CDKN2AIP: variants seen among roughly 807,000 people sequenced by gnomAD.
CDKN2AIP encodes CDKN2A interacting protein.
CDKN2AIP carries 12 observed loss-of-function variants against 44.1 expected under a neutral mutation model. That is an observed-to-expected ratio of 0.27 (90% CI 0.17 to 0.44). The LOEUF (loss-of-function observed/expected upper bound fraction) is 0.44, where lower values mean the gene tolerates loss of function less well. CDKN2AIP is among the 20% of genes least tolerant of loss of function. CDKN2AIP has a pLI of 1.00. For synonymous variants in CDKN2AIP, 291 were observed against 272.1 expected (o/e 1.07, Z -0.68); for missense variants, 705 against 681.6 (o/e 1.03, Z -0.38).
At chr4:183,445,988 A>G in intron 2 of CDKN2AIP, 100 bp from the exon 3 acceptor site, 1 of 991,066 alleles carries the variant, frequency 1.0e-6, no homozygotes, top group Non-Finnish European at 1.5e-6. Flanking sequence ...TAGTCTTGAA[A>G]TGTTTTCACT....
chr4:183,447,525 C>CTT lies in CDKN2AIP; in HGVS notation c.*104_*105dup. 1.2e-6 allele frequency: 1 copy of CTT among 852,490 alleles called. No homozygotes were observed. The highest frequency in any genetic ancestry group is 1.8e-6 in the Non-Finnish European group (1 of 560,640). 52.8% of individuals were successfully genotyped at this position (852,490 alleles called of 1,614,324 possible). A position where few individuals can be genotyped will look rare whatever the true frequency, so the allele number is the denominator to read the frequency against. ...ACAGGCTTTCACAAATTTTGTATTGCTTTTTTTCCAGTTTTGCAGAAAATT... is the reference window on the plus strand; with the variant it reads ...ACAGGCTTTCACAAATTTTGTATTGCTTTTTTTTTCCAGTTTTGCAGAAAATT... On this transcript the variant is annotated 3_prime_UTR_variant, in exon 3 of 3. Transcript: ENST00000504169.
In CDKN2AIP at chr4:183,447,572, C is replaced by T; in HGVS notation, c.*145C>T. 1 of 563,396 alleles carries T rather than the reference C, an allele frequency of 1.8e-6. No individual in the cohort carries two copies. Among genetic ancestry groups the T allele is most frequent in the Non-Finnish European group, 3.1e-6 (1 of 321,910 alleles). The allele number at this position is 563,396 out of a possible 1,614,324, so 34.9% of individuals were successfully genotyped here. A position where few individuals can be genotyped will look rare whatever the true frequency, so the allele number is the denominator to read the frequency against. On this transcript the variant is annotated 3_prime_UTR_variant, in exon 3 of 3. Transcript: ENST00000504169. ...AATTTACATTCTAGTTCTCTTCACA[C>T]AGTAGCAGTTGTAAATAATTTATGA...
At position 183,446,202 on chromosome 4, in the gene CDKN2AIP, A is replaced by G; in HGVS notation, c.518A>G (p.Glu173Gly). ...ACAGAACGTGCATCAGCTCAGCAGGAAAACAGTTCAACGTGTATAGGGTCG... is the reference window on the plus strand; with the variant it reads ...ACAGAACGTGCATCAGCTCAGCAGGGAAACAGTTCAACGTGTATAGGGTCG... ...AKTERASAQQ[E>G]NSSTCIGSAI... Residue 173 changes from glutamate to glycine, a missense_variant, in exon 3 of 3, where the codon GAA (glutamate) becomes GGA (glycine). Coordinates refer to ENST00000504169, the MANE Select transcript of CDKN2AIP (RefSeq NM_017632.4). 6.2e-7 allele frequency: 1 copy of G among 1,614,172 alleles called. No homozygotes were observed. The highest frequency in any genetic ancestry group is 8.5e-7 in the Non-Finnish European group (1 of 1,179,990).
Position 183,446,669 on chromosome 4 carries a change from G to C in CDKN2AIP, c.985G>C (p.Val329Leu). ...TTCCAAAACTAGTTCAGAGGCAAGT[G>C]TTTCATCATCAGTTGCTAAAAACAG... is the stretch of plus-strand genomic sequence containing the variant. ...LTSKTSSEAS[V>L]SSSVAKNSSS... The change falls in exon 3 of 3, where the codon GTT becomes CTT. Residue 329 changes from valine (V) to leucine (L), a missense_variant. By Grantham distance (32) the Val-to-Leu change is conservative (BLOSUM62 1). Around this residue, in one of 2 missense-constraint regions of CDKN2AIP, gnomAD observed 592 missense variants for 518.0 expected, o/e 1.14. Coordinates refer to ENST00000504169, the MANE Select transcript of CDKN2AIP (RefSeq NM_017632.4). 1.2e-6 allele frequency: 2 copies of C among 1,614,174 alleles called. No homozygotes were observed. Among genetic ancestry groups the C allele is most frequent in the South Asian group, 2.2e-5 (2 of 91,086 alleles).
chr4:183,446,183 C>G lies in CDKN2AIP; in HGVS notation c.499C>G (p.Arg167Gly). 1.2e-6 allele frequency: 2 copies of G among 1,614,118 alleles called. No individual in the cohort carries two copies. Among genetic ancestry groups the G allele is most frequent in the Non-Finnish European group, 1.7e-6 (2 of 1,179,948 alleles). ...CGCAAAAACCTCTGCCAAGACAGAA[C>G]GTGCATCAGCTCAGCAGGAAAACAG... is the stretch of plus-strand genomic sequence containing the variant. Reference protein sequence around the residue: ...DHAKTSAKTERASAQQENSST... With the variant: ...DHAKTSAKTEGASAQQENSST... The change falls in exon 3 of 3, where the codon CGT becomes GGT. Residue 167 changes from arginine to glycine, a missense_variant. Arg to Gly is a moderately radical substitution (Grantham distance 125). Around this residue, in one of 2 missense-constraint regions of CDKN2AIP, gnomAD observed 592 missense variants for 518.0 expected, o/e 1.14. Transcript: ENST00000504169.
In CDKN2AIP at chr4:183,447,043, T is replaced by A. The variant is rs369366498; in HGVS notation, c.1359T>A (p.Ala453=). The A allele has an allele frequency of 3.1e-6, 5 of 1,614,022 alleles. No individual in the cohort carries two copies. In the African/African-American group the frequency reaches 6.7e-5, roughly 22 times the overall value. Residue 453 remains alanine, a synonymous_variant, in exon 3 of 3, where the codon GCT becomes GCA. Coordinates refer to ENST00000504169, the MANE Select transcript of CDKN2AIP (RefSeq NM_017632.4). The stretch of plus-strand genomic sequence containing the variant: ...AAACGGTGGCATGGAAGTTGGTAGC[T>A]GTTGGTGGCTTTAGTCCCAATGTGA... ...LYKTVAWKLV[A]VGGFSPNVNH...
chr4:183,445,612 C>T lies in CDKN2AIP; in HGVS notation c.350C>T (p.Thr117Ile). The change falls in exon 2 of 3, where the codon ACA becomes ATA. Residue 117 changes from threonine (T) to isoleucine (I), a missense_variant. Thr to Ile is a moderately conservative substitution (Grantham distance 89). Transcript: ENST00000504169. ...GTGACAGATGCTCCAACCTATACAA[C>T]AAGAGATGAACTGGTTGCCAAGGTG... is the stretch of plus-strand genomic sequence containing the variant. Reference protein sequence around the residue: ...IKVTDAPTYTTRDELVAKVKK... With the variant: ...IKVTDAPTYTIRDELVAKVKK... The T allele has an allele frequency of 6.2e-7, 1 of 1,610,200 alleles. No individual in the cohort carries two copies. The highest frequency in any genetic ancestry group is 8.5e-7 in the Non-Finnish European group (1 of 1,176,448).
At position 183,444,726 on chromosome 4, in the gene CDKN2AIP, T is replaced by A; in HGVS notation, c.-72T>A. 1.4e-6 allele frequency: 2 copies of A among 1,425,340 alleles called. No homozygotes were observed. Among genetic ancestry groups the A allele is most frequent in the Non-Finnish European group, 1.9e-6 (2 of 1,079,336 alleles). 88.3% of individuals were successfully genotyped at this position (1,425,340 alleles called of 1,614,324 possible). ...GGAGGGCCGCGGGTGCAGGCCGCAGTGACAGGGCCGCTCGCCCCGCTAGTC... is the reference window on the plus strand; with the variant it reads ...GGAGGGCCGCGGGTGCAGGCCGCAGAGACAGGGCCGCTCGCCCCGCTAGTC... On this transcript the variant is annotated 5_prime_UTR_variant, in exon 1 of 3. Transcript: ENST00000504169.
rs1290600218 is a variant in CDKN2AIP at position 183,447,572 on chromosome 4, C to G, written c.*145C>G. 8 of 563,278 alleles carry G rather than the reference C, an allele frequency of 1.4e-5. No individual in the cohort carries two copies. The highest frequency in any genetic ancestry group is 2.5e-5 in the Non-Finnish European group (8 of 321,918). The allele number at this position is 563,278 out of a possible 1,614,324, so 34.9% of individuals were successfully genotyped here. A position where few individuals can be genotyped will look rare whatever the true frequency, so the allele number is the denominator to read the frequency against. On this transcript the variant is annotated 3_prime_UTR_variant, in exon 3 of 3. Transcript: ENST00000504169. The stretch of plus-strand genomic sequence containing the variant: ...AATTTACATTCTAGTTCTCTTCACA[C>G]AGTAGCAGTTGTAAATAATTTATGA...
In CDKN2AIP at chr4:183,446,324, A is replaced by G; in HGVS notation, c.640A>G (p.Ser214Gly). 6.2e-7 allele frequency: 1 copy of G among 1,614,178 alleles called. No individual in the cohort carries two copies. Among genetic ancestry groups the G allele is most frequent in the Non-Finnish European group, 8.5e-7 (1 of 1,179,974 alleles). ...TGGAGATCGATCTGTTTCCAGCCAA[A>G]GCAGCAGCAGCGTTTCCTCTCAGGT... ...SDGDRSVSSQ[S>G]SSSVSSQVTT... The change falls in exon 3 of 3, where the codon AGC (serine) becomes GGC (glycine). Residue 214 changes from serine to glycine, a missense_variant. Physicochemically the swap from Ser to Gly is moderately conservative, Grantham distance 56. Transcript: ENST00000504169.
rs1343519971 is a variant in CDKN2AIP at position 183,446,807 on chromosome 4, A to G, written c.1123A>G (p.Ser375Gly). The change falls in exon 3 of 3, where the codon AGC becomes GGC. Residue 375 changes from serine to glycine, a missense_variant. By Grantham distance (56) the Ser-to-Gly change is moderately conservative. Around this residue, in one of 2 missense-constraint regions of CDKN2AIP, gnomAD observed 592 missense variants for 518.0 expected, o/e 1.14. Coordinates refer to ENST00000504169, the MANE Select transcript of CDKN2AIP (RefSeq NM_017632.4). ...AGCTGCATCACTACTAGCTTCCAAG[A>G]GCAGCTCCCAGACCAGTGGATCTCT... ...QVAASLLASKSSSQTSGSLVS... is the reference protein window; with the variant it reads ...QVAASLLASKGSSQTSGSLVS... 5.0e-6 allele frequency: 8 copies of G among 1,614,216 alleles called. No homozygotes were observed. The South Asian group carries it at 8.8e-5, about 18-fold the overall frequency.
chr4:183,445,522 C>G lies in CDKN2AIP; in HGVS notation c.273-13C>G. The G allele has an allele frequency of 6.2e-7, 1 of 1,605,736 alleles. No homozygotes were observed. Among genetic ancestry groups the G allele is most frequent in the Non-Finnish European group, 8.5e-7 (1 of 1,173,238 alleles). ...AAAACACTTTTTAAAAATGACTTTT[C>G]CTTCTTTTTCAGATACCCTCAAAAA... On this transcript the variant is annotated splice_polypyrimidine_tract_variant and intron_variant, in intron 1 of 2. Coordinates refer to ENST00000504169, the MANE Select transcript of CDKN2AIP (RefSeq NM_017632.4).
chr4:183,445,367 C>T (rs1378080492), intron 1 of CDKN2AIP, 168 bp from the exon 2 acceptor site: 1 of 632,122 alleles, frequency 1.6e-6, no homozygotes, highest in East Asian at 2.7e-5. Flanking sequence ...AGGTGCCCTG[C>T]CTCCCAGACC....
chr4:183,447,373 A>T lies in CDKN2AIP; in HGVS notation c.1689A>T (p.Glu563Asp). The change falls in exon 3 of 3, where the codon GAA becomes GAT. Residue 563 changes from glutamate (E) to aspartate (D), a missense_variant. Coordinates refer to ENST00000504169, the MANE Select transcript of CDKN2AIP (RefSeq NM_017632.4). ...AAGATCTAGTACTCCTTGATGAAGA[A>T]TCGAGGCCTGTAAACTTACCTCCAG... is the stretch of plus-strand genomic sequence containing the variant. ...EIEDLVLLDE[E>D]SRPVNLPPAL... is the part of the protein sequence containing the mutation. 1 of 1,574,928 alleles carries T rather than the reference A, an allele frequency of 6.3e-7. No individual in the cohort carries two copies. Among genetic ancestry groups the T allele is most frequent in the East Asian group, 2.2e-5 (1 of 44,698 alleles).
At chr4:183,445,097 A>G (rs1733637541) in intron 1 of CDKN2AIP, 28 bp downstream of exon 1, 2 of 1,550,984 alleles carry the variant, frequency 1.3e-6, no homozygotes, top group Admixed American at 1.9e-5. Context: ...CCTAACCAGC[A>G]CGCCTCGTTT....
Position 183,448,436 on chromosome 4 carries a change from G to T in CDKN2AIP, c.*1009G>T, listed in dbSNP as rs1011701181. On this transcript the variant is annotated 3_prime_UTR_variant, in exon 3 of 3. Coordinates refer to ENST00000504169, the MANE Select transcript of CDKN2AIP (RefSeq NM_017632.4). Reference sequence around the variant, plus strand: ...AGAATACCGGAAAGAACAGAGAGCCGTGTTCAGCTCTTGATAATGAGCCTA... The same window carrying T: ...AGAATACCGGAAAGAACAGAGAGCCTTGTTCAGCTCTTGATAATGAGCCTA... Among the ~76,000 whole-genome samples the T allele has an allele frequency of 6.6e-6, 1 of 152,120 alleles. No individual in the cohort carries two copies. Among genetic ancestry groups the T allele is most frequent in the African/African-American group, 2.4e-5 (1 of 41,438 alleles).
At position 183,446,259 on chromosome 4, in the gene CDKN2AIP, G is replaced by A. The variant is rs755589619; in HGVS notation, c.575G>A (p.Arg192Gln). The A allele has an allele frequency of 8.1e-6, 13 of 1,613,948 alleles. No individual in the cohort carries two copies. In the African/African-American group the frequency reaches 1.6e-4, roughly 20 times the overall value. Reference protein sequence around the residue: ...AIKSESGNSARSSGISSQNSS... With the variant: ...AIKSESGNSAQSSGISSQNSS... The stretch of plus-strand genomic sequence containing the variant: ...AAATCAGAGAGTGGGAACTCAGCTC[G>A]GAGCTCTGGCATCTCCAGTCAGAAT... Residue 192 changes from arginine (R) to glutamine (Q), a missense_variant, in exon 3 of 3, where the codon CGG becomes CAG. Arg to Gln is a conservative substitution (Grantham distance 43). Transcript: ENST00000504169.
chr4:183,445,662 A>C lies in CDKN2AIP; in HGVS notation c.400A>C (p.Asn134His). The change falls in exon 2 of 3, where the codon AAT becomes CAT. Residue 134 changes from asparagine (N) to histidine (H), a missense_variant. This residue lies in a region of CDKN2AIP where 592 missense variants were observed against 518.0 expected (regional missense o/e 1.14). Coordinates refer to ENST00000504169, the MANE Select transcript of CDKN2AIP (RefSeq NM_017632.4). ...GAAGAAAAGAGGGATATCGAGTAGC[A>C]ATGGTTAGCAGATCATAGATGTGAA... ...KVKKRGISSS[N>H]EGVEEPSKKR... The C allele has an allele frequency of 6.2e-7, 1 of 1,609,490 alleles. No homozygotes were observed. Among genetic ancestry groups the C allele is most frequent in the African/African-American group, 1.3e-5 (1 of 74,968 alleles).
At chr4:183,445,809 T>C in intron 2 of CDKN2AIP, 144 bp downstream of exon 2, 1 of 700,214 alleles carries the variant, frequency 1.4e-6, no homozygotes, top group South Asian at 1.9e-5. Flanking sequence ...AAACCTAAAG[T>C]ATATATCTGT....
Sources: gnomAD v4.1 joint callset for allele counts (sites outside exome capture counted in the v4.1 genomes callset) on GRCh38, gnomAD v4.1.1 for gene constraint, gnomAD v4.1.1 regional missense constraint, MANE v1.5 for transcripts, NCBI Gene and HGNC (gene_info 2026-07-23, HGNC 2026-07-21) for gene names.